Variants in OR10G3 observed in about 807,000 individuals in gnomAD.
OR10G3 encodes the protein olfactory receptor 10G3.
Under a neutral mutation model 13.4 loss-of-function variants are expected in OR10G3, and 8 were observed. The observed-to-expected ratio is 0.60, with a 90% CI of 0.35 to 1.08. The LOEUF is 1.08. Among genes scored for constraint, OR10G3 ranks in the 50% least tolerant of loss-of-function variants. The pLI is 0.02. For missense variants in OR10G3, 393 were observed against 386.6 expected, an observed-to-expected ratio of 1.02 and a Z score of -0.14; for synonymous variants, 142 against 156.1, an observed-to-expected ratio of 0.91 and a Z score of 0.67.
rs59876310 is a variant in OR10G3, at chr14:21,568,698, G to GT, written c.*1104dup. 437 of 146,608 alleles carry GT rather than the reference G, an allele frequency of 3.0e-3. 1 individual carries two copies. Among genetic ancestry groups the GT allele is most frequent in the African/African-American group, 7.5e-3 (301 of 39,940 alleles). 9.1% of individuals were successfully genotyped at this position (146,608 alleles called of 1,614,324 possible). A position where few individuals can be genotyped will look rare whatever the true frequency, so the allele number is the denominator to read the frequency against. On this transcript the variant is annotated 3_prime_UTR_variant, in exon 2 of 2. Transcript: ENST00000641040. ...CCCTGTGTTAGTCAGGGGTCTCTTTGTTTTTTTTTTTTTTATTTTTTTATT... is the reference window on the plus strand; with the variant it reads ...CCCTGTGTTAGTCAGGGGTCTCTTTGTTTTTTTTTTTTTTTATTTTTTTATT...
At chr14:21,571,740 T>C (rs1424392048) in intron 1 of OR10G3, among the ~76,000 whole-genome samples, 1 of 152,048 alleles carries the variant, frequency 6.6e-6, no homozygotes, top group East Asian at 1.9e-4. Flanking sequence ...AATAGCATGA[T>C]CTCAGCTCAC....
At chr14:21,572,878 C>CTG (rs1002192641) in intron 1 of OR10G3, among the ~76,000 whole-genome samples, 3 of 152,058 alleles carry the variant, frequency 2.0e-5, no homozygotes, top group African/African-American at 7.2e-5. Context: ...GTGGCTTTTT[C>CTG]TGTGTGTGTG....
intron 1 of OR10G3, among the ~76,000 whole-genome samples, chr14:21,578,281 T>C (rs976996570): frequency 1.3e-5 from 2 of 149,432 alleles, no homozygotes; most frequent in African/African-American, 2.5e-5. Flanking sequence ...CATAGTGGTA[T>C]GAGCCTGTAA....
At position 21,570,025 on chromosome 14, in the gene OR10G3, T is replaced by G. The variant is rs773779118; in HGVS notation, c.720A>C (p.Ser240=). 1 of 1,614,116 alleles carries G rather than the reference T, an allele frequency of 6.2e-7. No individual in the cohort carries two copies. Residue 240 remains serine (S), a synonymous_variant, in exon 2 of 2, where the codon TCA becomes TCC. Coordinates refer to ENST00000641040, the MANE Select transcript of OR10G3 (RefSeq NM_001005465.2). ...HTADGRRRAF[S]TCGAHVTVVT... is the part of the protein sequence containing the mutation. Reference sequence around the variant, plus strand: ...CCACGGTTACATGGGCTCCACAAGTTGAAAAAGCCCGGCGCCGCCCATCAG... The same window carrying G: ...CCACGGTTACATGGGCTCCACAAGTGGAAAAAGCCCGGCGCCGCCCATCAG...
rs371165579 is a variant in OR10G3 at position 21,569,816 on chromosome 14, G to A, written c.929C>T (p.Pro310Leu). The change falls in exon 2 of 2, where the codon CCG (proline) becomes CTG (leucine). Residue 310 changes from proline to leucine, a missense_variant. Coordinates refer to ENST00000641040, the MANE Select transcript of OR10G3 (RefSeq NM_001005465.2). ...AGAAAGACACTTTCAAACCTCACTC[G>A]GAGTTCTTGGGCTTCTGAGCATTCT... Reference protein sequence around the residue: ...LKRMLRSPRTPSEV With the variant: ...LKRMLRSPRTLSEV 2.5e-5 allele frequency: 40 copies of A among 1,613,822 alleles called. No individual in the cohort carries two copies. The highest frequency in any genetic ancestry group is 4.4e-5 in the South Asian group (4 of 91,040).
chr14:21,570,840 A>G (rs1012136066), intron 1 of OR10G3, 79 bp from the exon 2 acceptor site: 19 of 777,194 alleles, frequency 2.4e-5, no homozygotes, highest in Non-Finnish European at 3.5e-5. Context: ...TGTAAAAACT[A>G]GGGGCAGTGG....
Position 21,570,395 on chromosome 14 carries a change from G to A in OR10G3, c.350C>T (p.Thr117Ile). The change falls in exon 2 of 2, where the codon ACC becomes ATC. Residue 117 changes from threonine to isoleucine, a missense_variant. Thr to Ile is a moderately conservative substitution (Grantham distance 89). Coordinates refer to ENST00000641040, the MANE Select transcript of OR10G3 (RefSeq NM_001005465.2). The part of the protein sequence containing the change: ...FLGSTQCFLY[T>I]LMAYDRYLAI... The stretch of plus-strand genomic sequence containing the variant: ...CAGGTACCTGTCATAGGCCATTAGG[G>A]TGTAGAGGAAGCACTGGGTGCTGCC... 1.2e-6 allele frequency: 2 copies of A among 1,614,164 alleles called. No individual in the cohort carries two copies. The highest frequency in any genetic ancestry group is 1.7e-6 in the Non-Finnish European group (2 of 1,180,022).
intron 1 of OR10G3, among the ~76,000 whole-genome samples, chr14:21,574,404 A>T (rs577562500): frequency 3.3e-5 from 5 of 151,668 alleles, no homozygotes; most frequent in Admixed American, 6.6e-5. Context: ...GGGAAATGTC[A>T]GGAGCTTTCT....
intron 1 of OR10G3, among the ~76,000 whole-genome samples, chr14:21,572,645 T>C (rs1221191143): frequency 6.7e-6 from 1 of 149,836 alleles, no homozygotes; most frequent in African/African-American, 2.5e-5. Context: ...GGAAAAGGGT[T>C]GGAATAATGA....
intron 1 of OR10G3, among the ~76,000 whole-genome samples, chr14:21,577,215 C>CAGAAAGAGACATGGAGGGAG (rs1365041438): frequency 6.6e-6 from 1 of 151,820 alleles, no homozygotes; most frequent in Non-Finnish European, 1.5e-5. Context: ...TACGGAGGGA[C>CAGAAAGAGACATGGAGGGAG]AGAAAGAGAC....
chr14:21,571,341 T>C (rs1001039680), intron 1 of OR10G3, among the ~76,000 whole-genome samples: 1 of 152,204 alleles, frequency 6.6e-6, no homozygotes, highest in African/African-American at 2.4e-5. Context: ...CAGTGCTTGA[T>C]GCTGTACAGA....
chr14:21,577,864 T>C (rs1876785499), intron 1 of OR10G3, among the ~76,000 whole-genome samples: 1 of 152,066 alleles, frequency 6.6e-6, no homozygotes, highest in African/African-American at 2.4e-5. Context: ...TAGTGTGGTG[T>C]GGTGGCACAT....
intron 1 of OR10G3, among the ~76,000 whole-genome samples, chr14:21,577,702 G>A (rs1876776700): frequency 6.6e-6 from 1 of 152,224 alleles, no homozygotes; most frequent in South Asian, 2.1e-4. Context: ...ATCACACTGA[G>A]TGTTTCTTAA....
At position 21,569,956 on chromosome 14, in the gene OR10G3, A is replaced by C. The variant is rs1460636769; in HGVS notation, c.789T>G (p.Pro263=). 1 of 1,612,440 alleles carries C rather than the reference A, an allele frequency of 6.2e-7. No individual in the cohort carries two copies. The highest frequency in any genetic ancestry group is 8.5e-7 in the Non-Finnish European group (1 of 1,179,050). Residue 263 remains proline (P), a synonymous_variant, in exon 2 of 2, where the codon CCT becomes CCG. Transcript: ENST00000641040. Reference sequence around the variant, plus strand: ...CCCCATCCAGGGGGCTGTTGGTTTCAGGCCTCAGGTAGATGAAGGCACAGG... The same window carrying C: ...CCCCATCCAGGGGGCTGTTGGTTTCCGGCCTCAGGTAGATGAAGGCACAGG... The part of the protein sequence containing the change: ...YVPCAFIYLR[P]ETNSPLDGAA...
Position 21,570,250 on chromosome 14 carries a change from G to A in OR10G3, c.495C>T (p.Phe165=). The change falls in exon 2 of 2, where the codon TTC becomes TTT. Residue 165 remains phenylalanine (F), a synonymous_variant. Coordinates refer to ENST00000641040, the MANE Select transcript of OR10G3 (RefSeq NM_001005465.2). ...IHGALQAILT[F]RLPYCGPNQV... Reference sequence around the variant, plus strand: ...GATTGGGCCCACAGTAGGGCAGGCGGAAGGTTAGGATGGCCTGGAGAGCCC... The same window carrying A: ...GATTGGGCCCACAGTAGGGCAGGCGAAAGGTTAGGATGGCCTGGAGAGCCC... 6.2e-7 allele frequency: 1 copy of A among 1,614,226 alleles called. No individual in the cohort carries two copies. Among genetic ancestry groups the A allele is most frequent in the Non-Finnish European group, 8.5e-7 (1 of 1,180,028 alleles).
intron 1 of OR10G3, among the ~76,000 whole-genome samples, chr14:21,572,476 A>G (rs1893081811): frequency 6.6e-6 from 1 of 150,688 alleles, no homozygotes; most frequent in Non-Finnish European, 1.5e-5. Context: ...GGGTGCCTGT[A>G]CTCCCAGCTA....
intron 1 of OR10G3, among the ~76,000 whole-genome samples, chr14:21,573,987 G>A (rs1268464048): frequency 1.3e-5 from 2 of 152,080 alleles, no homozygotes; most frequent in African/African-American, 2.4e-5. Flanking sequence ...CATGACTTGA[G>A]GTAGGATGTC....
intron 1 of OR10G3, among the ~76,000 whole-genome samples, chr14:21,572,608 CAAAAAAAA>C (rs397852312): frequency 3.6e-5 from 4 of 110,510 alleles, no homozygotes; most frequent in Non-Finnish European, 3.5e-5. Flanking sequence ...AACAAACAAA[CAAAAAAAA>C]AAAAAAAAAA....
chr14:21,569,152 G>C lies in OR10G3; in HGVS notation c.*651C>G, dbSNP rs543636441. 2.6e-5 allele frequency: 4 copies of C among 152,356 alleles called. No individual in the cohort carries two copies. In the East Asian group the frequency reaches 7.7e-4, roughly 29 times the overall value. 9.4% of individuals were successfully genotyped at this position (152,356 alleles called of 1,614,324 possible). On this transcript the variant is annotated 3_prime_UTR_variant, in exon 2 of 2. Transcript: ENST00000641040. ...TGAGGAGCAAGGAGAGCCAGTCCAA[G>C]TTCCAAAACTGAAGAACTTGGAGTT...
Sources: allele counts gnomAD v4.1 joint callset (sites outside exome capture counted in the v4.1 genomes callset), GRCh38; gene constraint gnomAD v4.1.1; transcripts MANE v1.5; gene names NCBI Gene and HGNC (gene_info 2026-07-23, HGNC 2026-07-21).